Variants in CRTC1 observed in about 807,000 individuals in gnomAD.
CRTC1 encodes the protein CREB-regulated transcription coactivator 1.
Under a neutral mutation model 66.1 loss-of-function variants are expected in CRTC1, and 18 were observed. The observed-to-expected ratio is 0.27, with a 90% confidence interval of 0.19 to 0.40. CRTC1 has a LOEUF of 0.40. CRTC1 is among the 10% of genes least tolerant of loss of function. The probability of loss-of-function intolerance (pLI) is 1.00; values close to 1 mark genes in which losing one functional copy is unlikely to be tolerated. For synonymous variants in CRTC1, 416 were observed against 398.8 expected (o/e 1.04, Z -0.51); for missense variants, 669 against 887.9 (o/e 0.75, Z 3.13).
intron 1 of CRTC1, among the ~76,000 whole-genome samples, chr19:18,695,146 C>T (rs1254687793): frequency 1.3e-5 from 2 of 152,140 alleles, no homozygotes; most frequent in East Asian, 1.9e-4. Flanking sequence ...GCTGGGATCA[C>T]AGGCATGAGC....
rs751686369 is a variant in CRTC1 at position 18,778,690 on chromosome 19, G to A, written c.*1308G>A. 4.3e-6 allele frequency: 1 copy of A among 230,720 alleles called. No individual in the cohort carries two copies. Among genetic ancestry groups the A allele is most frequent in the Non-Finnish European group, 8.6e-6 (1 of 116,402 alleles). 14.3% of individuals were successfully genotyped at this position (230,720 alleles called of 1,614,324 possible). A position where few individuals can be genotyped will look rare whatever the true frequency, so the allele number is the denominator to read the frequency against. ...GTGCCTGCTAGTCCTTAGAGTGTGT[G>A]TGTGAAGATGCCATGACCAGTGGCA... On this transcript the variant is annotated 3_prime_UTR_variant, in exon 14 of 14. Transcript: ENST00000321949.
chr19:18,750,464 A>G (rs1000399850), intron 5 of CRTC1, among the ~76,000 whole-genome samples: 1 of 152,206 alleles, frequency 6.6e-6, no homozygotes, highest in Non-Finnish European at 1.5e-5. Flanking sequence ...CTTGGCTCCA[A>G]TTTGAAGCCG....
At position 18,771,619 on chromosome 19, in the gene CRTC1, C is replaced by A; in HGVS notation, c.1425+73C>A. ...TGTTCATGCCCCGTGTGTTCCCTGC[C>A]CACTGTCTGTCCTCATGCATCGCTC... On this transcript the variant is annotated intron_variant, in intron 11 of 13. Coordinates refer to ENST00000321949, the MANE Select transcript of CRTC1 (RefSeq NM_015321.3). This position sits in a 1 kb window ranked among gnomAD's most constrained non-coding sequence, Gnocchi z 4.6. 1 of 1,159,568 alleles carries A rather than the reference C, an allele frequency of 8.6e-7. No individual in the cohort carries two copies. Among genetic ancestry groups the A allele is most frequent in the Non-Finnish European group, 1.3e-6 (1 of 789,436 alleles). 71.8% of individuals were successfully genotyped at this position (1,159,568 alleles called of 1,614,324 possible).
At chr19:18,769,266 C>A (rs1409559982) in intron 10 of CRTC1, among the ~76,000 whole-genome samples, 1 of 152,248 alleles carries the variant, frequency 6.6e-6, no homozygotes, top group East Asian at 1.9e-4. Context: ...GCAGCTCAGA[C>A]CATTGGACTT....
At position 18,741,409 on chromosome 19, in the gene CRTC1, A is replaced by G. The variant is rs560767505; in HGVS notation, c.127-1501A>G. Among the ~76,000 whole-genome samples the G allele has an allele frequency of 2.6e-5, 4 of 152,346 alleles. No individual in the cohort carries two copies. Among genetic ancestry groups the G allele is most frequent in the African/African-American group, 9.6e-5 (4 of 41,580 alleles). On this transcript the variant is annotated intron_variant, in intron 1 of 13. Transcript: ENST00000321949. The surrounding 1 kb of genome is among the most constrained non-coding windows in gnomAD (Gnocchi z 4.2). ...AGCACTCACTCTAGGTCGGGGACAC[A>G]GGTCCAGGAGGGGTCACAGCCTTTA...
intron 1 of CRTC1, among the ~76,000 whole-genome samples, chr19:18,689,573 A>ATG (rs1384474953): frequency 1.1e-5 from 1 of 91,544 alleles, no homozygotes; most frequent in Non-Finnish European, 1.9e-5. Flanking sequence ...CCATATATAT[A>ATG]TATATATATA....
At chr19:18,721,798 C>T (rs2053635908) in intron 1 of CRTC1, among the ~76,000 whole-genome samples, 1 of 152,186 alleles carries the variant, frequency 6.6e-6, no homozygotes, top group Admixed American at 6.5e-5. Flanking sequence ...CTGGCCTCGA[C>T]CTGCAAAGAC....
At chr19:18,726,282 C>T (rs754795797) in intron 1 of CRTC1, among the ~76,000 whole-genome samples, 3 of 152,256 alleles carry the variant, frequency 2.0e-5, no homozygotes, top group Non-Finnish European at 4.4e-5. Context: ...ATTTCCAGCA[C>T]CGCTGACGTG....
chr19:18,757,081 G>C (rs1030390566), intron 6 of CRTC1, among the ~76,000 whole-genome samples: 4 of 152,196 alleles, frequency 2.6e-5, no homozygotes, highest in Non-Finnish European at 4.4e-5. Context: ...TTTGAGGCCA[G>C]CCCCACCCTC....
chr19:18,777,325 C>T lies in CRTC1; in HGVS notation c.1848C>T (p.Pro616=), dbSNP rs779576652. 75 of 1,610,468 alleles carry T rather than the reference C, an allele frequency of 4.7e-5. No individual in the cohort carries two copies. Among genetic ancestry groups the T allele is most frequent in the Non-Finnish European group, 5.1e-5 (60 of 1,179,980 alleles). ...TLDGLHMLND[P]DMVLADPATE... ...ACGGACTGCACATGCTCAACGACCC[C>T]GACATGGTTCTGGCCGACCCAGCCA... The change falls in exon 14 of 14, where the codon CCC becomes CCT. Residue 616 remains proline (P), a synonymous_variant. Transcript: ENST00000321949. This position sits in a 1 kb window ranked among gnomAD's most constrained non-coding sequence, Gnocchi z 5.5.
In CRTC1 at chr19:18,781,664, T is replaced by C. The variant is rs1488244804; in HGVS notation, c.*4282T>C. The C allele has an allele frequency of 2.2e-5, 5 of 230,668 alleles. No individual in the cohort carries two copies. Among genetic ancestry groups the C allele is most frequent in the Non-Finnish European group, 4.3e-5 (5 of 116,554 alleles). The allele number at this position is 230,668 out of a possible 1,614,324, so 14.3% of individuals were successfully genotyped here. A position where few individuals can be genotyped will look rare whatever the true frequency, so the allele number is the denominator to read the frequency against. On this transcript the variant is annotated 3_prime_UTR_variant, in exon 14 of 14. Coordinates refer to ENST00000321949, the MANE Select transcript of CRTC1 (RefSeq NM_015321.3). ...GAGTGAGTGCCTCGTGATCCCAGCC[T>C]CAGTTTCTCTCTTGTCACTTTCTCA...
At chr19:18,758,457 T>G (rs1310522106) in intron 6 of CRTC1, among the ~76,000 whole-genome samples, 2 of 151,876 alleles carry the variant, frequency 1.3e-5, no homozygotes, top group East Asian at 3.9e-4. Context: ...GAGGAGCCTA[T>G]TGTGGGCCCT....
intron 1 of CRTC1, among the ~76,000 whole-genome samples, chr19:18,699,322 G>A (rs897537970): frequency 3.3e-5 from 5 of 152,224 alleles, no homozygotes; most frequent in African/African-American, 1.2e-4. Context: ...GAAGTGAGAA[G>A]AGTAGTTTGT....
intron 1 of CRTC1, among the ~76,000 whole-genome samples, chr19:18,689,956 G>A (rs771926191): frequency 6.6e-6 from 1 of 151,940 alleles, no homozygotes. Context: ...TGGGTGTGGT[G>A]TGAGCATCCG....
Position 18,760,238 on chromosome 19 carries a change from G to A in CRTC1, c.886+10G>A, listed in dbSNP as rs1227522565. 1.9e-6 allele frequency: 3 copies of A among 1,577,896 alleles called. No homozygotes were observed. Among genetic ancestry groups the A allele is most frequent in the South Asian group, 1.1e-5 (1 of 88,532 alleles). ...GGTGGCGCCGGCCAGGGTAAGGCAG[G>A]GACACTCCGCCCTCGGACAGAGCAC... On this transcript the variant is annotated intron_variant, in intron 8 of 13. Coordinates refer to ENST00000321949, the MANE Select transcript of CRTC1 (RefSeq NM_015321.3). This position sits in a 1 kb window ranked among gnomAD's most constrained non-coding sequence, Gnocchi z 6.2.
chr19:18,714,821 C>T (rs2053470185), intron 1 of CRTC1, among the ~76,000 whole-genome samples: 1 of 152,254 alleles, frequency 6.6e-6, no homozygotes, highest in East Asian at 1.9e-4. Context: ...TGTCTGCACC[C>T]TGAATATTTG....
chr19:18,757,657 G>A (rs977562504), intron 6 of CRTC1, among the ~76,000 whole-genome samples: 15 of 151,516 alleles, frequency 9.9e-5, no homozygotes, highest in Non-Finnish European at 1.9e-4. Flanking sequence ...GAGGATCACT[G>A]GAGCCTAGGA....
intron 1 of CRTC1, among the ~76,000 whole-genome samples, chr19:18,713,821 A>G (rs1418759666): frequency 6.6e-6 from 1 of 152,212 alleles, no homozygotes; most frequent in Non-Finnish European, 1.5e-5. Context: ...GGAGGAGCTG[A>G]CATCCCAAAA....
chr19:18,711,175 C>T (rs2053382354), intron 1 of CRTC1, among the ~76,000 whole-genome samples: 1 of 152,208 alleles, frequency 6.6e-6, no homozygotes, highest in Non-Finnish European at 1.5e-5. Flanking sequence ...ACCTTCCCGT[C>T]CCAGGTGGCC....
Sources: allele counts gnomAD v4.1 joint callset (sites outside exome capture counted in the v4.1 genomes callset), GRCh38; gene constraint gnomAD v4.1.1; non-coding constraint Gnocchi (gnomAD v3.1); transcripts MANE v1.5; gene names NCBI Gene and HGNC (gene_info 2026-07-23, HGNC 2026-07-21).